SLC25A26: variants seen among roughly 807,000 people sequenced by gnomAD.
SLC25A26 encodes the protein solute carrier family 25 member 26.
Under a neutral mutation model 37.8 loss-of-function variants are expected in SLC25A26, and 36 were observed. The observed-to-expected ratio is 0.95, with a 90% confidence interval of 0.73 to 1.26. The LOEUF (loss-of-function observed/expected upper bound fraction) is 1.26, where lower values mean the gene tolerates loss of function less well. Among genes scored for constraint, SLC25A26 ranks in the 50% most tolerant of loss-of-function variants. The pLI, the probability that SLC25A26 is intolerant of heterozygous loss-of-function variation, is 0.00. For synonymous variants in SLC25A26, 129 were observed against 122.5 expected (o/e 1.05, Z -0.35); for missense variants, 390 against 331.1 (o/e 1.18, Z -1.38).
At chr3:66,275,882 T>C (rs1482773081) in intron 5 of SLC25A26, among the ~76,000 whole-genome samples, 1 of 152,100 alleles carries the variant, frequency 6.6e-6, no homozygotes, top group Non-Finnish European at 1.5e-5. Flanking sequence ...GTGTGCGAAT[T>C]ATCTCCAGTG....
intron 5 of SLC25A26, among the ~76,000 whole-genome samples, chr3:66,321,210 G>A (rs1007555063): frequency 6.6e-6 from 1 of 152,190 alleles, no homozygotes; most frequent in Non-Finnish European, 1.5e-5. Flanking sequence ...TACCTAAATC[G>A]GAAGTCTGGT....
At chr3:66,286,501 G>T (rs1275280780) in intron 5 of SLC25A26, among the ~76,000 whole-genome samples, 1 of 151,810 alleles carries the variant, frequency 6.6e-6, no homozygotes. Flanking sequence ...AAATCAGTTG[G>T]CCAGATTTGT....
intron 6 of SLC25A26, among the ~76,000 whole-genome samples, chr3:66,352,165 C>T (rs2107763460): frequency 6.6e-6 from 1 of 152,282 alleles, no homozygotes; most frequent in South Asian, 2.1e-4. Context: ...GGGAGACTTA[C>T]TTGAGCTCAC....
At chr3:66,158,831 G>C (rs1438168848) in intron 1 of SLC25A26, among the ~76,000 whole-genome samples, 1 of 152,166 alleles carries the variant, frequency 6.6e-6, no homozygotes, top group African/African-American at 2.4e-5. Flanking sequence ...TCTCAGAGAA[G>C]AGAGGAGATA....
At chr3:66,334,620 G>A (rs1028079989) in intron 5 of SLC25A26, among the ~76,000 whole-genome samples, 3 of 152,140 alleles carry the variant, frequency 2.0e-5, no homozygotes, top group Non-Finnish European at 4.4e-5. Context: ...CGGGCCCTGA[G>A]TGGAAGCTTT....
At chr3:66,163,266 T>G (rs557095032) in intron 1 of SLC25A26, among the ~76,000 whole-genome samples, 1 of 152,352 alleles carries the variant, frequency 6.6e-6, no homozygotes, top group East Asian at 1.9e-4. Context: ...GGGGCCAGCA[T>G]TTGACGGGAA....
upstream of SLC25A26, among the ~76,000 whole-genome samples, chr3:66,220,442 A>G (rs916209792): frequency 6.6e-6 from 1 of 152,250 alleles, no homozygotes; most frequent in African/African-American, 2.4e-5. Flanking sequence ...GAACAACATG[A>G]GCAGGTAAAT....
chr3:66,218,216 CATAAT>C (rs1242461450), upstream of SLC25A26, among the ~76,000 whole-genome samples: 8 of 152,018 alleles, frequency 5.3e-5, no homozygotes, highest in African/African-American at 1.9e-4. Context: ...AAAGATGTAT[CATAAT>C]ATGTTTATAC....
chr3:66,246,806 C>G (rs891726667), intron 3 of SLC25A26, among the ~76,000 whole-genome samples: 1 of 152,192 alleles, frequency 6.6e-6, no homozygotes, highest in African/African-American at 2.4e-5. Flanking sequence ...TCAAGAGATC[C>G]TCAGTAGCTG....
chr3:66,139,247 T>C (rs986803949), intron 1 of SLC25A26, among the ~76,000 whole-genome samples: 1 of 152,198 alleles, frequency 6.6e-6, no homozygotes, highest in African/African-American at 2.4e-5. Flanking sequence ...GGTGAAACCC[T>C]GCCTTTGCTT....
intron 1 of SLC25A26, among the ~76,000 whole-genome samples, chr3:66,225,681 A>G (rs2071711695): frequency 6.6e-6 from 1 of 152,154 alleles, no homozygotes; most frequent in Admixed American, 6.5e-5. Context: ...CCGCATCATC[A>G]GGCTGCAAAT....
At chr3:66,205,719 T>A (rs2071167776) in intron 1 of SLC25A26, among the ~76,000 whole-genome samples, 2 of 152,200 alleles carry the variant, frequency 1.3e-5, no homozygotes, top group Non-Finnish European at 2.9e-5. Flanking sequence ...GGCAGCCCCT[T>A]GACCCTGTGG....
intron 1 of SLC25A26, among the ~76,000 whole-genome samples, chr3:66,229,257 T>C (rs544627794): frequency 1.3e-5 from 2 of 152,174 alleles, no homozygotes; most frequent in African/African-American, 2.4e-5. Flanking sequence ...TCTCAAAAAC[T>C]CTATGAAGTA....
chr3:66,345,850 C>G (rs945550914), intron 5 of SLC25A26, among the ~76,000 whole-genome samples: 2 of 152,172 alleles, frequency 1.3e-5, no homozygotes, highest in African/African-American at 4.8e-5. Flanking sequence ...GCTTCTGTTT[C>G]CATTTCAAAG....
intron 3 of SLC25A26, among the ~76,000 whole-genome samples, chr3:66,258,322 A>G (rs75018580): frequency 0.038 from 5,809 of 152,250 alleles, 163 homozygotes; most frequent in Non-Finnish European, 0.062. Flanking sequence ...GAGAGTCAGG[A>G]TGCCCAGGAT....
At chr3:66,249,330 T>A (rs995675881) in intron 3 of SLC25A26, among the ~76,000 whole-genome samples, 2 of 152,200 alleles carry the variant, frequency 1.3e-5, no homozygotes. Flanking sequence ...TGTACCACAG[T>A]CCATTCCAGG....
chr3:66,327,076 A>C (rs900356563), intron 5 of SLC25A26, among the ~76,000 whole-genome samples: 2 of 152,196 alleles, frequency 1.3e-5, no homozygotes, highest in Admixed American at 6.5e-5. Context: ...CCTAAAATAG[A>C]ATGACTTCTG....
chr3:66,288,085 A>G (rs561140023), intron 5 of SLC25A26, among the ~76,000 whole-genome samples: 149 of 152,310 alleles, frequency 9.8e-4, no homozygotes, highest in Non-Finnish European at 1.6e-3. Flanking sequence ...CTGCCCCTAG[A>G]CAGCTTCTCC....
chr3:66,356,142 A>C (rs1309249193), intron 6 of SLC25A26: 3 of 452,132 alleles, frequency 6.6e-6, no homozygotes, highest in African/African-American at 6.0e-5. Flanking sequence ...TTCATAAGAC[A>C]GTAGTGCTTA....
Sources: allele counts gnomAD v4.1 joint callset (sites outside exome capture counted in the v4.1 genomes callset), GRCh38; gene constraint gnomAD v4.1.1; transcripts MANE v1.5; gene names NCBI Gene and HGNC (gene_info 2026-07-23, HGNC 2026-07-21).